Variants in NXF1 observed in about 807,000 individuals in gnomAD.
NXF1 encodes mRNA export factor TAP.
In NXF1, 43 loss-of-function variants were observed where a neutral mutation model predicts 92.4. The ratio of observed to expected loss-of-function variants is 0.47; its 90% CI spans 0.36 to 0.60. NXF1 has a LOEUF of 0.60. Among genes scored for constraint, NXF1 ranks in the 20% least tolerant of loss-of-function variants. The pLI is 0.00. For missense variants in NXF1, 576 were observed against 793.0 expected, an observed-to-expected ratio of 0.73 and a Z score of 3.29; for synonymous variants, 288 against 292.2, an observed-to-expected ratio of 0.99 and a Z score of 0.15.
At chr11:62,804,887 T>C (rs957600103) in intron 1 of NXF1, among the ~76,000 whole-genome samples, 3 of 152,128 alleles carry the variant, frequency 2.0e-5, no homozygotes, top group Admixed American at 2.0e-4. Flanking sequence ...CCCAGTGTAG[T>C]GTTCAGACTA....
intron 9 of NXF1, among the ~76,000 whole-genome samples, chr11:62,800,726 C>A (rs959547203): frequency 1.3e-5 from 2 of 151,976 alleles, no homozygotes; most frequent in Non-Finnish European, 1.5e-5. Context: ...CCTCAGACTC[C>A]TGGGTAGCTA....
Position 62,794,674 on chromosome 11 carries a change from A to G in NXF1, c.1578-234T>C, listed in dbSNP as rs554059319. 111 of 585,548 alleles carry G rather than the reference A, an allele frequency of 1.9e-4. 1 individual carries two copies. The highest frequency in any genetic ancestry group is 1.9e-3 in the African/African-American group (100 of 53,916). The allele number at this position is 585,548 out of a possible 1,614,324, so 36.3% of individuals were successfully genotyped here. A position where few individuals can be genotyped will look rare whatever the true frequency, so the allele number is the denominator to read the frequency against. The stretch of plus-strand genomic sequence containing the variant: ...AGCTCTTTTAATTCATCCTCACAAC[A>G]AACTTAGGAAATGAATATTGTTATA... On this transcript the variant is annotated intron_variant, in intron 18 of 20. Transcript: ENST00000294172.
intron 1 of NXF1, chr11:62,804,983 A>G: frequency 4.1e-6 from 1 of 243,462 alleles, no homozygotes; most frequent in Non-Finnish European, 7.8e-6. Flanking sequence ...AGTAAAAAAT[A>G]GGGCATCAGG....
At chr11:62,794,123 C>T (rs2084396393) in intron 19 of NXF1, 135 bp downstream of exon 19, 1 of 745,972 alleles carries the variant, frequency 1.3e-6, no homozygotes, top group Non-Finnish European at 2.1e-6. Context: ...GTTATGATCA[C>T]CACTATACTC....
chr11:62,797,397 G>T lies in NXF1; in HGVS notation c.1054-11C>A, dbSNP rs911579058. ...TAGCTCATGGCCATCCTGTGGAAAGGAAGTAAAAGTTGACAGTGTAGACTG... is the reference window on the plus strand; with the variant it reads ...TAGCTCATGGCCATCCTGTGGAAAGTAAGTAAAAGTTGACAGTGTAGACTG... On this transcript the variant is annotated splice_polypyrimidine_tract_variant and intron_variant, in intron 11 of 20. Coordinates refer to ENST00000294172, the MANE Select transcript of NXF1 (RefSeq NM_006362.5). 8 of 1,611,836 alleles carry T rather than the reference G, an allele frequency of 5.0e-6. No homozygotes were observed. The African/African-American group carries it at 6.7e-5, about 13-fold the overall frequency.
chr11:62,794,613 C>A (rs2084402240), intron 18 of NXF1, 173 bp from the exon 19 acceptor site: 1 of 636,192 alleles, frequency 1.6e-6, no homozygotes, highest in Non-Finnish European at 2.7e-6. Flanking sequence ...GGATTATCTA[C>A]TAAACACACT....
intron 10 of NXF1, chr11:62,799,025 G>A (rs1020387185): frequency 2.0e-6 from 2 of 998,968 alleles, no homozygotes; most frequent in South Asian, 4.5e-5. Flanking sequence ...GGATGTTGGG[G>A]CAGGGAGATG....
At chr11:62,797,815 A>G (rs1411784497) in intron 11 of NXF1, among the ~76,000 whole-genome samples, 1 of 151,978 alleles carries the variant, frequency 6.6e-6, no homozygotes, top group Non-Finnish European at 1.5e-5. Context: ...AGTCAAGTGT[A>G]AACGCATCAT....
intron 19 of NXF1, 44 bp downstream of exon 19, chr11:62,794,214 C>A: frequency 1.3e-6 from 2 of 1,573,344 alleles, no homozygotes; most frequent in Non-Finnish European, 8.7e-7. Context: ...TTACTACTAG[C>A]CCTACTTCAG....
chr11:62,803,329 TAATAA>T, intron 3 of NXF1, 85 bp downstream of exon 3: 3 of 1,120,924 alleles, frequency 2.7e-6, no homozygotes, highest in Non-Finnish European at 3.8e-6. Context: ...AAAATAATAA[TAATAA>T]TTTTTGTGGA....
intron 3 of NXF1, among the ~76,000 whole-genome samples, chr11:62,803,148 G>A (rs561520): frequency 0.019 from 2,888 of 151,964 alleles, 90 homozygotes; most frequent in African/African-American, 0.065. Context: ...GTGAAACCCC[G>A]TCTCTACTAA....
Position 62,800,473 on chromosome 11 carries a change from CG to C in NXF1, c.919del (p.Arg307GlyfsTer6). 1 of 1,613,538 alleles carries C rather than the reference CG, an allele frequency of 6.2e-7. No individual in the cohort carries two copies. Among genetic ancestry groups the C allele is most frequent in the Non-Finnish European group, 8.5e-7 (1 of 1,179,592 alleles). On this transcript the variant is annotated frameshift_variant, in exon 10 of 21. Transcript: ENST00000294172. ...NLSGNELKSE[R>X]ELDKIKGLKL... ...CAGCCCCTTTATCTTGTCCAATTCC[CG>C]CTCAGACTTCAACTGCAAAGGGTGG...
In NXF1 at chr11:62,792,684, T is replaced by G; in HGVS notation, c.1778A>C (p.Asn593Thr). Residue 593 changes from asparagine to threonine, a missense_variant, in exon 20 of 21, where the codon AAC (asparagine) becomes ACC (threonine). Physicochemically the swap from Asn to Thr is moderately conservative, Grantham distance 65. Coordinates refer to ENST00000294172, the MANE Select transcript of NXF1 (RefSeq NM_006362.5). Reference sequence around the variant, plus strand: ...CTGGGCAGATCTGGTGTAGTCCCAGTTGTTGTCCTGAAGGCACCTGGAGTG... The same window carrying G: ...CTGGGCAGATCTGGTGTAGTCCCAGGTGTTGTCCTGAAGGCACCTGGAGTG... Reference protein sequence around the residue: ...EWSQKCLQDNNWDYTRSAQAF... With the variant: ...EWSQKCLQDNTWDYTRSAQAF... The G allele has an allele frequency of 1.2e-6, 2 of 1,614,198 alleles. No homozygotes were observed. The highest frequency in any genetic ancestry group is 1.7e-6 in the Non-Finnish European group (2 of 1,180,028).
chr11:62,795,225 C>T (rs1238115934), intron 17 of NXF1: 2 of 485,426 alleles, frequency 4.1e-6, no homozygotes, highest in South Asian at 3.0e-5. Context: ...TGCGTATAAT[C>T]CCAGCACTTT....
intron 3 of NXF1, among the ~76,000 whole-genome samples, chr11:62,802,705 G>A (rs896109755): frequency 6.6e-6 from 1 of 151,994 alleles, no homozygotes; most frequent in South Asian, 2.1e-4. Flanking sequence ...TCAAAGTGCT[G>A]GGATTACAGG....
At chr11:62,801,487 C>T in intron 7 of NXF1, 70 bp from the exon 8 acceptor site, 2 of 1,607,284 alleles carry the variant, frequency 1.2e-6, no homozygotes, top group Non-Finnish European at 1.7e-6. Context: ...AGCAGTAAAA[C>T]ATCCTCAAAC....
At position 62,800,999 on chromosome 11, in the gene NXF1, C is replaced by T. The variant is rs1388825412; in HGVS notation, c.906+95G>A. 9.8e-6 allele frequency: 9 copies of T among 914,766 alleles called. No individual in the cohort carries two copies. In the East Asian group the frequency reaches 2.2e-4, roughly 22 times the overall value. 56.7% of individuals were successfully genotyped at this position (914,766 alleles called of 1,614,324 possible). ...AGAGTTGCAAACCAGCACATCTGGC[C>T]TGAGTTCTCTCTCTTGCCTCTTGCC... On this transcript the variant is annotated intron_variant, in intron 9 of 20. Transcript: ENST00000294172.
chr11:62,803,449 A>G lies in NXF1; in HGVS notation c.339T>C (p.Asp113=). The change falls in exon 3 of 21, where the codon GAT becomes GAC. Residue 113 remains aspartate, a synonymous_variant. Coordinates refer to ENST00000294172, the MANE Select transcript of NXF1 (RefSeq NM_006362.5). ...PERGGAGTSQ[D]GTSKNWFKIT... ...TCTTGAACCAGTTCTTTGAGGTCCC[A>G]TCCTGGCTGGTGCCAGCCCCTCCTC... 2 of 1,614,010 alleles carry G rather than the reference A, an allele frequency of 1.2e-6. No individual in the cohort carries two copies. Among genetic ancestry groups the G allele is most frequent in the East Asian group, 2.2e-5 (1 of 44,874 alleles).
chr11:62,803,490 T>C lies in NXF1; in HGVS notation c.298A>G (p.Arg100Gly). The change falls in exon 3 of 21, where the codon AGA becomes GGA. Residue 100 changes from arginine (R) to glycine (G), a missense_variant. Physicochemically the swap from Arg to Gly is moderately radical, Grantham distance 125 (BLOSUM62 -2). This residue lies in a region of NXF1 where 151 missense variants were observed against 157.8 expected (regional missense o/e 0.96). Coordinates refer to ENST00000294172, the MANE Select transcript of NXF1 (RefSeq NM_006362.5). ...GCCCCTCCTCTCTCTGGAGGAGCTC[T>C]GTCTCTCCGCACAGTAACATGAATG... The part of the protein sequence containing the change: ...DRIHVTVRRD[R>G]APPERGGAGT... 6.2e-7 allele frequency: 1 copy of C among 1,614,066 alleles called. No individual in the cohort carries two copies. The highest frequency in any genetic ancestry group is 8.5e-7 in the Non-Finnish European group (1 of 1,180,004).
Sources: gnomAD v4.1 joint callset for allele counts (sites outside exome capture counted in the v4.1 genomes callset) on GRCh38, gnomAD v4.1.1 for gene constraint, gnomAD v4.1.1 regional missense constraint, MANE v1.5 for transcripts, NCBI Gene and HGNC (gene_info 2026-07-23, HGNC 2026-07-21) for gene names.